Variants in VRK1 observed in about 807,000 individuals in gnomAD.
VRK1 encodes the protein serine/threonine-protein kinase VRK1.
VRK1 carries 33 observed loss-of-function variants against 57.1 expected under a neutral mutation model. That is an observed-to-expected ratio of 0.58 (90% CI 0.44 to 0.77). The LOEUF is 0.77. Among genes scored for constraint, VRK1 ranks in the 30% least tolerant of loss-of-function variants. The pLI is 0.00. For missense variants in VRK1, 413 were observed against 477.3 expected, an observed-to-expected ratio of 0.87 and a Z score of 1.25; for synonymous variants, 137 against 147.8, an observed-to-expected ratio of 0.93 and a Z score of 0.53.
chr14:96,846,707 T>C (rs936938377), intron 4 of VRK1, among the ~76,000 whole-genome samples: 4 of 139,772 alleles, frequency 2.9e-5, no homozygotes, highest in Non-Finnish European at 6.2e-5. Flanking sequence ...GGATAAAAAA[T>C]ATTCCAGAAA....
chr14:96,834,012 GT>G (rs1161965601), intron 2 of VRK1, among the ~76,000 whole-genome samples: 3 of 152,154 alleles, frequency 2.0e-5, no homozygotes, highest in Admixed American at 1.3e-4. Flanking sequence ...TCTTTTACAA[GT>G]GTGAGTTTCT....
intron 1 of VRK1, among the ~76,000 whole-genome samples, chr14:96,820,344 G>A (rs184122814): frequency 3.3e-4 from 50 of 151,978 alleles, no homozygotes; most frequent in African/African-American, 1.1e-3. Flanking sequence ...TGAGTTCTTC[G>A]GCAACTTCTC....
intron 2 of VRK1, among the ~76,000 whole-genome samples, chr14:96,836,034 C>T (rs1051698455): frequency 9.9e-5 from 15 of 152,190 alleles, no homozygotes; most frequent in Admixed American, 3.3e-4. Flanking sequence ...TCTTATACAA[C>T]GTTTATCTTC....
intron 11 of VRK1, among the ~76,000 whole-genome samples, chr14:96,867,456 AGTGTGT>A (rs34415863): frequency 0.063 from 9,334 of 148,214 alleles, 313 homozygotes; most frequent in South Asian, 0.12. Flanking sequence ...TCTGTGCACA[AGTGTGT>A]GTGTGTGTGT....
At chr14:96,844,700 C>T (rs535767894) in intron 3 of VRK1, among the ~76,000 whole-genome samples, 2 of 152,208 alleles carry the variant, frequency 1.3e-5, no homozygotes, top group East Asian at 3.9e-4. Context: ...CGCCACCATG[C>T]CCAGATAATT....
At chr14:96,877,325 C>T (rs1156679861) in intron 12 of VRK1, 2 of 339,952 alleles carry the variant, frequency 5.9e-6, no homozygotes, top group Admixed American at 3.9e-5. Context: ...GTTAGAACAT[C>T]CTTTGGTTTA....
At chr14:96,836,974 T>C (rs1315915671) in intron 2 of VRK1, among the ~76,000 whole-genome samples, 2 of 152,126 alleles carry the variant, frequency 1.3e-5, no homozygotes, top group Non-Finnish European at 2.9e-5. Context: ...TCTGCTTACC[T>C]TTCTTTCCTG....
chr14:96,871,444 T>G (rs1373211464), intron 11 of VRK1, among the ~76,000 whole-genome samples: 2 of 152,228 alleles, frequency 1.3e-5, no homozygotes, highest in East Asian at 3.8e-4. Flanking sequence ...TGAATTTCCA[T>G]GTTAGTGGGA....
chr14:96,867,753 A>G (rs764598011), intron 11 of VRK1, among the ~76,000 whole-genome samples: 5 of 151,888 alleles, frequency 3.3e-5, no homozygotes, highest in South Asian at 2.1e-4. Flanking sequence ...TTTTGTATAG[A>G]TCTGTGGGCT....
intron 1 of VRK1, among the ~76,000 whole-genome samples, chr14:96,800,146 T>A (rs1304763043): frequency 6.6e-6 from 1 of 152,134 alleles, no homozygotes; most frequent in African/African-American, 2.4e-5. Context: ...ATTTTTACTC[T>A]AGGATAAGTT....
intron 1 of VRK1, 46 bp from the exon 2 acceptor site, chr14:96,833,421 A>G: frequency 6.2e-7 from 1 of 1,608,950 alleles, no homozygotes; most frequent in Non-Finnish European, 8.5e-7. Context: ...TGTTTTAAAC[A>G]CTTCTAAGAT....
rs558188592 is a variant in VRK1, at chr14:96,846,733, A to G, written c.287-524A>G. 2.6e-5 allele frequency among the ~76,000 whole-genome samples: 4 copies of G among 151,936 alleles called. No homozygotes were observed. In the East Asian group the frequency reaches 7.7e-4, roughly 29 times the overall value. ...ATTCCAGAAAAAAAAAAAAGCTACA[A>G]TAAAAAATAACAATTCAATAATAAA... On this transcript the variant is annotated intron_variant, in intron 4 of 12. Coordinates refer to ENST00000216639, the MANE Select transcript of VRK1 (RefSeq NM_003384.3).
At chr14:96,834,300 C>T (rs1887130274) in intron 2 of VRK1, among the ~76,000 whole-genome samples, 1 of 151,520 alleles carries the variant, frequency 6.6e-6, no homozygotes, top group Non-Finnish European at 1.5e-5. Flanking sequence ...ACTCTACTTC[C>T]AATCTCAGAT....
chr14:96,858,959 T>C (rs982385507), intron 10 of VRK1: 1 of 152,230 alleles, frequency 6.6e-6, no homozygotes, highest in Admixed American at 6.5e-5. Context: ...GGATTGAATT[T>C]GACTCTGTAG....
intron 11 of VRK1, among the ~76,000 whole-genome samples, chr14:96,873,514 A>G (rs1453849482): frequency 6.6e-6 from 1 of 152,226 alleles, no homozygotes; most frequent in African/African-American, 2.4e-5. Context: ...TTAGTATATC[A>G]TACAATATTT....
chr14:96,845,239 CAACACAAAATACCA>C (rs2139777179), intron 3 of VRK1, among the ~76,000 whole-genome samples: 2 of 151,838 alleles, frequency 1.3e-5, no homozygotes, highest in Admixed American at 1.3e-4. Context: ...AAATAATGAC[CAACACAAAATACCA>C]GACATTAAAT....
chr14:96,841,828 C>CT (rs1300237817), intron 3 of VRK1, among the ~76,000 whole-genome samples: 1 of 147,206 alleles, frequency 6.8e-6, no homozygotes, highest in Admixed American at 6.7e-5. Context: ...GAGTGAGACT[C>CT]TATCTCAAAA....
At chr14:96,829,686 AG>A (rs1338571559) in intron 1 of VRK1, among the ~76,000 whole-genome samples, 1 of 152,184 alleles carries the variant, frequency 6.6e-6, no homozygotes, top group Non-Finnish European at 1.5e-5. Flanking sequence ...AACAAAATCA[AG>A]TATCACAATA....
chr14:96,851,588 ATCTTG>A (rs1414836511), intron 5 of VRK1, among the ~76,000 whole-genome samples: 2 of 152,206 alleles, frequency 1.3e-5, no homozygotes, highest in East Asian at 3.8e-4. Flanking sequence ...CTTGTTCAAC[ATCTTG>A]TCTTTTAATG....
Sources: gnomAD v4.1 joint callset for allele counts (sites outside exome capture counted in the v4.1 genomes callset) on GRCh38, gnomAD v4.1.1 for gene constraint, MANE v1.5 for transcripts, NCBI Gene and HGNC (gene_info 2026-07-23, HGNC 2026-07-21) for gene names.